The following ESRRG variants were observed in gnomAD, a reference collection of about 807,000 sequenced individuals.
The protein encoded by ESRRG is estrogen related receptor gamma, also known as estrogen-related receptor gamma.
A neutral mutation model predicts 44.0 loss-of-function variants in ESRRG; 13 were observed. The observed-to-expected ratio is 0.30, with a 90% confidence interval of 0.19 to 0.47. The LOEUF (loss-of-function observed/expected upper bound fraction) is 0.47. ESRRG is among the 20% of genes least tolerant of loss of function. The probability of loss-of-function intolerance (pLI) is 1.00; values close to 1 mark genes in which losing one functional copy is unlikely to be tolerated. For missense variants in ESRRG, 395 were observed against 580.6 expected (o/e 0.68, Z 3.29); for synonymous variants, 215 against 214.6 (o/e 1.00, Z -0.02).
At chr1:216,847,030 C>A (rs1577194956) in intron 2 of ESRRG, among the ~76,000 whole-genome samples, 1 of 152,126 alleles carries the variant, frequency 6.6e-6, no homozygotes, top group East Asian at 1.9e-4. Flanking sequence ...GTAAATAATT[C>A]AATGGCAGTC....
At chr1:216,927,499 C>T (rs1158915221) in intron 2 of ESRRG, among the ~76,000 whole-genome samples, 1 of 152,156 alleles carries the variant, frequency 6.6e-6, no homozygotes, top group African/African-American at 2.4e-5. Context: ...AGTTAAAGAT[C>T]AGAGGCAACT....
At chr1:217,107,485 T>C (rs2092611127) in intron 1 of ESRRG, among the ~76,000 whole-genome samples, 3 of 152,232 alleles carry the variant, frequency 2.0e-5, no homozygotes. Flanking sequence ...TATATTGCAC[T>C]TTTTCCCCCC....
At chr1:216,749,686 A>G (rs1427125697) in intron 2 of ESRRG, among the ~76,000 whole-genome samples, 1 of 152,186 alleles carries the variant, frequency 6.6e-6, no homozygotes, top group Non-Finnish European at 1.5e-5. Flanking sequence ...TTTAGCTTTA[A>G]AAAAGTTTCC....
intron 1 of ESRRG, among the ~76,000 whole-genome samples, chr1:217,057,774 A>G (rs547433909): frequency 1.2e-4 from 19 of 152,240 alleles, no homozygotes; most frequent in African/African-American, 3.8e-4. Context: ...ATGACTTTGA[A>G]TGTGGCCCAA....
intron 2 of ESRRG, among the ~76,000 whole-genome samples, chr1:216,745,615 G>A (rs1041493773): frequency 6.6e-5 from 10 of 151,982 alleles, no homozygotes; most frequent in Non-Finnish European, 1.5e-4. Context: ...CTTTCCCTTT[G>A]TCCAGTCTCT....
At chr1:216,880,577 AAC>A (rs1040253753) in intron 2 of ESRRG, among the ~76,000 whole-genome samples, 2 of 152,088 alleles carry the variant, frequency 1.3e-5, no homozygotes, top group Non-Finnish European at 2.9e-5. Flanking sequence ...ATAATTTTCT[AAC>A]ACACTTATTA....
chr1:216,519,640 A>G (rs889480773), intron 5 of ESRRG, among the ~76,000 whole-genome samples: 1 of 152,098 alleles, frequency 6.6e-6, no homozygotes, highest in Non-Finnish European at 1.5e-5. Flanking sequence ...AGTTTTATAG[A>G]CACAGCTTAG....
rs186124282 is a variant in ESRRG at position 217,079,729 on chromosome 1, C to T, written c.-106+9778G>A. Among the ~76,000 whole-genome samples the T allele has an allele frequency of 2.6e-5, 4 of 152,294 alleles. No homozygotes were observed. The East Asian group carries it at 5.8e-4, about 22-fold the overall frequency. ...AAGAATAACACATGTCAAGGGCTTA[C>T]CACAGCGCCTGGCACGCATGCATTT... On this transcript the variant is annotated intron_variant, in intron 1 of 7. Coordinates refer to the ESRRG transcript ENST00000359162.
intron 2 of ESRRG, among the ~76,000 whole-genome samples, chr1:216,890,497 A>G (rs1258899852): frequency 2.0e-5 from 3 of 152,196 alleles, no homozygotes; most frequent in African/African-American, 7.2e-5. Context: ...TTTTTGGTCC[A>G]GAGGGGAAAT....
intron 2 of ESRRG, among the ~76,000 whole-genome samples, chr1:216,768,907 C>T (rs1305397699): frequency 1.3e-5 from 2 of 151,930 alleles, no homozygotes; most frequent in Non-Finnish European, 2.9e-5. Flanking sequence ...GAATTAAATC[C>T]CCCCCATATA....
intron 1 of ESRRG, among the ~76,000 whole-genome samples, chr1:217,085,080 T>A (rs2091996253): frequency 7.3e-6 from 1 of 136,278 alleles, no homozygotes; most frequent in African/African-American, 2.7e-5. Flanking sequence ...AAGGAGAGAG[T>A]GGCCTTTCAC....
chr1:217,060,788 CTAGATAGATAGA>C (rs61465430), intron 1 of ESRRG, among the ~76,000 whole-genome samples: 3 of 65,512 alleles, frequency 4.6e-5, no homozygotes, highest in Non-Finnish European at 7.8e-5. Flanking sequence ...ATATTGAACA[CTAGATAGATAGA>C]TAGATAGATA....
chr1:216,963,625 A>G (rs2069608054), intron 1 of ESRRG, among the ~76,000 whole-genome samples: 1 of 152,166 alleles, frequency 6.6e-6, no homozygotes, highest in African/African-American at 2.4e-5. Context: ...ACCAATCTAT[A>G]CAAAATAATT....
chr1:217,070,584 T>C lies in ESRRG; in HGVS notation c.-106+18923A>G, dbSNP rs533499250. Among the ~76,000 whole-genome samples the C allele has an allele frequency of 7.9e-5, 12 of 152,328 alleles. No individual in the cohort carries two copies. The South Asian group carries it at 2.5e-3, about 32-fold the overall frequency. ...TCAGTAGAGACAAGGTTTCACCACA[T>C]TGGCCAGGTTGGTCTCGAACCCCTG... On this transcript the variant is annotated intron_variant, in intron 1 of 7. Coordinates refer to the ESRRG transcript ENST00000359162.
chr1:217,040,321 G>A (rs2083619572), intron 1 of ESRRG, among the ~76,000 whole-genome samples: 2 of 152,078 alleles, frequency 1.3e-5, no homozygotes, highest in Admixed American at 1.3e-4. Flanking sequence ...AGAAAGTTAA[G>A]GAAGTCATTG....
chr1:216,897,056 A>G (rs1382415173), intron 2 of ESRRG, among the ~76,000 whole-genome samples: 1 of 152,186 alleles, frequency 6.6e-6, no homozygotes, highest in Non-Finnish European at 1.5e-5. Context: ...GGGGATGAAA[A>G]GAGATGAGAA....
At chr1:217,058,248 C>G (rs148405225) in intron 1 of ESRRG, among the ~76,000 whole-genome samples, 120 of 152,026 alleles carry the variant, frequency 7.9e-4, no homozygotes, top group South Asian at 1.5e-3. Context: ...ACGCTTTAGG[C>G]TAGAAGAAAA....
chr1:217,133,637 C>CTTTCTTTCTT (rs1553294741), intron 1 of ESRRG, among the ~76,000 whole-genome samples: 11 of 40,306 alleles, frequency 2.7e-4, no homozygotes, highest in African/African-American at 5.3e-4. Flanking sequence ...TTCTTTCTCT[C>CTTTCTTTCTT]TCTCTCTCTC....
At chr1:216,928,881 C>T (rs993729621) in intron 2 of ESRRG, among the ~76,000 whole-genome samples, 12 of 152,058 alleles carry the variant, frequency 7.9e-5, no homozygotes, top group Non-Finnish European at 1.3e-4. Flanking sequence ...TATGATTTTA[C>T]GTATTTGAGG....
Sources: allele counts gnomAD v4.1 joint callset (sites outside exome capture counted in the v4.1 genomes callset), GRCh38; gene constraint gnomAD v4.1.1; transcripts MANE v1.5; gene names NCBI Gene and HGNC (gene_info 2026-07-23, HGNC 2026-07-21).